KMT2E: variants seen among roughly 807,000 people sequenced by gnomAD.
The protein encoded by KMT2E is histone reader KMT2E.
Under a neutral mutation model 184.6 loss-of-function variants are expected in KMT2E, and 30 were observed. The observed-to-expected ratio is 0.16, with a 90% confidence interval of 0.12 to 0.22. The LOEUF (loss-of-function observed/expected upper bound fraction) is 0.22, where lower values mean the gene tolerates loss of function less well. KMT2E is among the 10% of genes least tolerant of loss of function. The probability of loss-of-function intolerance (pLI) is 1.00; values close to 1 mark genes in which losing one functional copy is unlikely to be tolerated. For synonymous variants in KMT2E, 815 were observed against 776.5 expected, an observed-to-expected ratio of 1.05 and a Z score of -0.82; for missense variants, 2,023 against 2,237.4, an observed-to-expected ratio of 0.90 and a Z score of 1.93.
intron 3 of KMT2E, among the ~76,000 whole-genome samples, chr7:105,058,773 T>C (rs1442096639): frequency 2.0e-5 from 3 of 152,194 alleles, no homozygotes; most frequent in Non-Finnish European, 4.4e-5. Context: ...GTAATTGCAG[T>C]TTATTTTTGA....
At chr7:105,073,559 C>A in intron 6 of KMT2E, 60 bp from the exon 7 acceptor site, 1 of 1,053,140 alleles carries the variant, frequency 9.5e-7, no homozygotes, top group Non-Finnish European at 1.5e-6. Flanking sequence ...AAGTTTATCA[C>A]ATTTAAGACA....
In KMT2E at chr7:105,041,032, T is replaced by G. The variant is rs753457127; in HGVS notation, c.71+9T>G. 1.3e-6 allele frequency: 2 copies of G among 1,513,750 alleles called. No individual in the cohort carries two copies. Among genetic ancestry groups the G allele is most frequent in the South Asian group, 1.1e-5 (1 of 87,010 alleles). The allele number at this position is 1,513,750 out of a possible 1,614,324, so 93.8% of individuals were successfully genotyped here. On this transcript the variant is annotated intron_variant, in intron 3 of 26. Coordinates refer to ENST00000311117, the MANE Select transcript of KMT2E (RefSeq NM_182931.3). ...ATGGCTGCAGGTTCAGAGTAAGTATTTAAATTGGTTACATAAGCAAAAAAA... is the reference window on the plus strand; with the variant it reads ...ATGGCTGCAGGTTCAGAGTAAGTATGTAAATTGGTTACATAAGCAAAAAAA...
chr7:105,113,226 G>A lies in KMT2E; in HGVS notation c.5470G>A (p.Val1824Ile). 1 of 1,614,200 alleles carries A rather than the reference G, an allele frequency of 6.2e-7. No individual in the cohort carries two copies. The highest frequency in any genetic ancestry group is 8.5e-7 in the Non-Finnish European group (1 of 1,180,036). ...TGGCTCTGTGGCCCTGCCACATGGGGTTCAAGGACCTCAGCAGGCATCTCC... is the reference window on the plus strand; with the variant it reads ...TGGCTCTGTGGCCCTGCCACATGGGATTCAAGGACCTCAGCAGGCATCTCC... Reference protein sequence around the residue: ...HPGSVALPHGVQGPQQASPVP... With the variant: ...HPGSVALPHGIQGPQQASPVP... The change falls in exon 27 of 27, where the codon GTT becomes ATT. Residue 1824 changes from valine to isoleucine, a missense_variant. Around this residue, in one of 8 missense-constraint regions of KMT2E, gnomAD observed 1,108 missense variants for 1,050.9 expected, o/e 1.05. Coordinates refer to ENST00000311117, the MANE Select transcript of KMT2E (RefSeq NM_182931.3).
chr7:105,074,869 A>C (rs1797463223), intron 8 of KMT2E, 54 bp downstream of exon 8: 1 of 1,316,094 alleles, frequency 7.6e-7, no homozygotes, highest in African/African-American at 1.5e-5. Flanking sequence ...TAGGGAACTG[A>C]ATTTTATAGG....
Position 105,014,454 on chromosome 7 carries a change from G to A in KMT2E, c.-270G>A. 1 of 153,694 alleles carries A rather than the reference G, an allele frequency of 6.5e-6. No individual in the cohort carries two copies. The highest frequency in any genetic ancestry group is 1.5e-5 in the Non-Finnish European group (1 of 68,956). The allele number at this position is 153,694 out of a possible 1,614,324, so 9.5% of individuals were successfully genotyped here. On this transcript the variant is annotated 5_prime_UTR_variant, in exon 1 of 27. Coordinates refer to ENST00000311117, the MANE Select transcript of KMT2E (RefSeq NM_182931.3). ...CCGCAGTGGCTGCTGTCGGGGGGTC[G>A]CCTGTTCGCGGAGGTGCGGAGAGAC...
chr7:105,061,781 G>A (rs1796822215), intron 3 of KMT2E: 1 of 158,878 alleles, frequency 6.3e-6, no homozygotes, highest in African/African-American at 2.4e-5. Flanking sequence ...GCATACTTCA[G>A]TTCCATTTGA....
In KMT2E at chr7:105,109,003, A is replaced by G. The variant is rs775013890; in HGVS notation, c.3530A>G (p.Glu1177Gly). 6.2e-7 allele frequency: 1 copy of G among 1,614,154 alleles called. No individual in the cohort carries two copies. The highest frequency in any genetic ancestry group is 1.7e-5 in the Admixed American group (1 of 60,026). ...GCTAGGAAAAGTGGCTCTAAGACAGAGAACTTTCCACTCATTAGTGTATCA... is the reference window on the plus strand; with the variant it reads ...GCTAGGAAAAGTGGCTCTAAGACAGGGAACTTTCCACTCATTAGTGTATCA... ...REARKSGSKT[E>G]NFPLISVSPH... Residue 1177 changes from glutamate to glycine, a missense_variant, in exon 23 of 27, where the codon GAG becomes GGG. By Grantham distance (98) the Glu-to-Gly change is moderately conservative. Transcript: ENST00000311117.
chr7:105,063,144 C>G (rs1350560287), intron 4 of KMT2E, among the ~76,000 whole-genome samples: 1 of 151,718 alleles, frequency 6.6e-6, no homozygotes, highest in Non-Finnish European at 1.5e-5. Context: ...TGACCACTCC[C>G]ACTTTGTAGA....
At chr7:105,102,708 G>A (rs1189807122) in intron 17 of KMT2E, 1 of 153,788 alleles carries the variant, frequency 6.5e-6, no homozygotes, top group African/African-American at 2.4e-5. Context: ...AGAAATAACA[G>A]AACATCCTAA....
At chr7:105,108,840 A>C (rs1038582025) in intron 22 of KMT2E, 102 bp from the exon 23 acceptor site, 1 of 931,334 alleles carries the variant, frequency 1.1e-6, no homozygotes, top group Admixed American at 2.9e-5. Context: ...TAATTTTCCT[A>C]ATGTAAATAT....
At chr7:105,094,375 A>G (rs914956801) in intron 15 of KMT2E, among the ~76,000 whole-genome samples, 1 of 152,214 alleles carries the variant, frequency 6.6e-6, no homozygotes, top group Non-Finnish European at 1.5e-5. Flanking sequence ...GTGACAAGAT[A>G]GACTTCCAAA....
intron 13 of KMT2E, 122 bp from the exon 14 acceptor site, chr7:105,089,887 G>C: frequency 2.2e-6 from 3 of 1,386,566 alleles, no homozygotes; most frequent in Non-Finnish European, 2.9e-6. Flanking sequence ...TTACTAAAAA[G>C]GATTGCTTAT....
chr7:105,110,774 C>G lies in KMT2E; in HGVS notation c.3974C>G (p.Pro1325Arg). ...ATAGGTTTCTTCTGCTTTATAGACC[C>G]TGATCCTGAAAATCCAGAACCCACA... Reference protein sequence around the residue: ...VPSFSELMEDPDPENPEPTTT... With the variant: ...VPSFSELMEDRDPENPEPTTT... Residue 1325 changes from proline (P) to arginine (R), a missense_variant, in exon 26 of 27, where the codon CCT becomes CGT. Pro to Arg is a moderately radical substitution (Grantham distance 103). Around this residue, in one of 8 missense-constraint regions of KMT2E, gnomAD observed 1,108 missense variants for 1,050.9 expected, o/e 1.05. Transcript: ENST00000311117. 6.2e-7 allele frequency: 1 copy of G among 1,613,222 alleles called. No homozygotes were observed. Among genetic ancestry groups the G allele is most frequent in the Non-Finnish European group, 8.5e-7 (1 of 1,179,226 alleles).
intron 15 of KMT2E, among the ~76,000 whole-genome samples, chr7:105,099,692 G>GT (rs1437256762): frequency 6.6e-6 from 1 of 152,100 alleles, no homozygotes; most frequent in African/African-American, 2.4e-5. Context: ...CCTGTGGGTA[G>GT]TTTTTTATTT....
In KMT2E at chr7:105,112,398, CCTCCTCCACCTCCTTCTT is replaced by C; in HGVS notation, c.4644_4661del (p.Pro1549_Ser1554del). 1 of 1,612,496 alleles carries C rather than the reference CCTCCTCCACCTCCTTCTT, an allele frequency of 6.2e-7. No homozygotes were observed. On this transcript the variant is annotated inframe_deletion, in exon 27 of 27. Transcript: ENST00000311117. ...GAACAGCACGGCACCACCCCCTCCA[CCTCCTCCACCTCCTTCTT>C]CGTCTTACTATCAAAACCAGCAGCC...
chr7:105,106,718 T>C lies in KMT2E; in HGVS notation c.2793T>C (p.Tyr931=). ...ETCRNGYKPI[Y]SPVTPVTPGT... ...GTAGAAATGGTTATAAACCCATATA[T>C]TCACCAGTTACCCCAGTAACTCCTG... Residue 931 remains tyrosine, a synonymous_variant, in exon 20 of 27, where the codon TAT becomes TAC. Coordinates refer to ENST00000311117, the MANE Select transcript of KMT2E (RefSeq NM_182931.3). 6.2e-7 allele frequency: 1 copy of C among 1,613,838 alleles called. No individual in the cohort carries two copies. Among genetic ancestry groups the C allele is most frequent in the Non-Finnish European group, 8.5e-7 (1 of 1,179,752 alleles).
chr7:105,066,331 T>TA (rs1797026491), intron 5 of KMT2E, among the ~76,000 whole-genome samples: 1 of 152,180 alleles, frequency 6.6e-6, no homozygotes, highest in Admixed American at 6.5e-5. Flanking sequence ...TGATAAATGA[T>TA]ATTTGATAAA....
chr7:105,041,064 A>C, intron 3 of KMT2E, 41 bp downstream of exon 3: 1 of 1,296,068 alleles, frequency 7.7e-7, no homozygotes, highest in African/African-American at 1.5e-5. Flanking sequence ...AAAAAAAAAA[A>C]AACCCTTCTG....
intron 3 of KMT2E, among the ~76,000 whole-genome samples, chr7:105,045,786 T>A (rs370547668): frequency 6.6e-6 from 1 of 152,246 alleles, no homozygotes; most frequent in South Asian, 2.1e-4. Flanking sequence ...ACTCCCTGTT[T>A]TAAATTCTTT....
Sources: gnomAD v4.1 joint callset for allele counts (sites outside exome capture counted in the v4.1 genomes callset) on GRCh38, gnomAD v4.1.1 for gene constraint, gnomAD v4.1.1 regional missense constraint, MANE v1.5 for transcripts, NCBI Gene and HGNC (gene_info 2026-07-23, HGNC 2026-07-21) for gene names.